The following LRMDA variants were observed in gnomAD, a reference collection of about 807,000 sequenced individuals.
LRMDA encodes the protein leucine rich melanocyte differentiation associated.
LRMDA carries 18 observed loss-of-function variants against 29.8 expected under a neutral mutation model. The observed-to-expected ratio is 0.60, with a 90% CI of 0.42 to 0.90. LRMDA has a LOEUF of 0.90. Ranked by LOEUF, LRMDA falls within the 40% of genes least tolerant of loss-of-function variation. The pLI is 0.00. For synonymous variants in LRMDA, 125 were observed against 109.4 expected, an observed-to-expected ratio of 1.14 and a Z score of -0.89; for missense variants, 273 against 273.9, an observed-to-expected ratio of 1.00 and a Z score of 0.02.
chr10:75,996,934 G>T (rs980629389), intron 2 of LRMDA, among the ~76,000 whole-genome samples: 2 of 151,858 alleles, frequency 1.3e-5, no homozygotes, highest in Non-Finnish European at 2.9e-5. Flanking sequence ...GGGTTTCACC[G>T]TGTTAGCCAG....
intron 2 of LRMDA, among the ~76,000 whole-genome samples, chr10:75,875,739 T>C (rs550093251): frequency 2.0e-4 from 30 of 152,364 alleles, no homozygotes; most frequent in Admixed American, 1.4e-3. Context: ...GCCAGCCATT[T>C]CTTTTTAAAG....
rs148348218 is a variant in LRMDA at position 75,810,856 on chromosome 10, C to T, written c.132-225152C>T. Among the ~76,000 whole-genome samples, 20 of 152,300 alleles carry T rather than the reference C, an allele frequency of 1.3e-4. No individual in the cohort carries two copies. In the East Asian group the frequency reaches 1.7e-3, roughly 13 times the overall value. On this transcript the variant is annotated intron_variant, in intron 2 of 6. Coordinates refer to ENST00000611255, the MANE Select transcript of LRMDA (RefSeq NM_001305581.2). ...TGTTGGAGCAGATGCTGTATAGACA[C>T]CTTATCAGGGTTACCCTGTTTAAAA...
chr10:75,965,619 G>A (rs181658430), intron 2 of LRMDA, among the ~76,000 whole-genome samples: 36 of 152,266 alleles, frequency 2.4e-4, no homozygotes, highest in African/African-American at 8.2e-4. Flanking sequence ...AACTCTACTT[G>A]TTGGGCTCTG....
At chr10:76,353,822 T>C (rs543074111) in intron 6 of LRMDA, among the ~76,000 whole-genome samples, 17 of 152,132 alleles carry the variant, frequency 1.1e-4, no homozygotes, top group Non-Finnish European at 2.2e-4. Flanking sequence ...TTTTTCCAAA[T>C]TCTGTTCCAT....
intron 2 of LRMDA, among the ~76,000 whole-genome samples, chr10:75,992,931 G>A (rs1299531528): frequency 1.3e-5 from 2 of 151,096 alleles, no homozygotes. Context: ...TCAGGTTACA[G>A]GGTATAATCT....
intron 6 of LRMDA, among the ~76,000 whole-genome samples, chr10:76,425,957 T>C (rs957485967): frequency 6.6e-6 from 1 of 152,214 alleles, no homozygotes; most frequent in Non-Finnish European, 1.5e-5. Flanking sequence ...CTGCATAGTA[T>C]TCCATGGTGT....
chr10:76,077,112 A>G (rs1848972924), intron 5 of LRMDA, among the ~76,000 whole-genome samples: 1 of 152,166 alleles, frequency 6.6e-6, no homozygotes, highest in Non-Finnish European at 1.5e-5. Context: ...CCCCAGGGCC[A>G]GGAGTTCCCA....
At chr10:76,247,952 G>C (rs967556830) in intron 5 of LRMDA, among the ~76,000 whole-genome samples, 1 of 152,238 alleles carries the variant, frequency 6.6e-6, no homozygotes, top group African/African-American at 2.4e-5. Context: ...AGTCCAAGTG[G>C]AAGGGTATTG....
intron 1 of LRMDA, among the ~76,000 whole-genome samples, chr10:75,436,792 A>T (rs1290870866): frequency 6.6e-6 from 1 of 152,116 alleles, no homozygotes; most frequent in Non-Finnish European, 1.5e-5. Flanking sequence ...CTGAGCAGAG[A>T]TCCTGAGGGA....
intron 5 of LRMDA, among the ~76,000 whole-genome samples, chr10:76,063,508 G>A (rs1848736203): frequency 6.6e-6 from 1 of 152,056 alleles, no homozygotes. Context: ...GTTTGTTGTA[G>A]CTTGTATATT....
chr10:76,150,223 G>A (rs1850412858), intron 5 of LRMDA, among the ~76,000 whole-genome samples: 1 of 152,228 alleles, frequency 6.6e-6, no homozygotes, highest in African/African-American at 2.4e-5. Flanking sequence ...ATGAGTCAGT[G>A]CTAAAGCCTA....
At chr10:76,529,871 A>G (rs963754659) in intron 6 of LRMDA, among the ~76,000 whole-genome samples, 2 of 152,144 alleles carry the variant, frequency 1.3e-5, no homozygotes, top group Non-Finnish European at 2.9e-5. Context: ...GTACAGTAGT[A>G]TGAGAATCCT....
At chr10:76,261,221 C>G (rs534438709) in intron 5 of LRMDA, among the ~76,000 whole-genome samples, 1 of 151,710 alleles carries the variant, frequency 6.6e-6, no homozygotes, top group Non-Finnish European at 1.5e-5. Context: ...CCTGCCACCA[C>G]GCCCGGATAA....
intron 2 of LRMDA, among the ~76,000 whole-genome samples, chr10:75,927,585 C>T (rs538445695): frequency 1.3e-5 from 2 of 152,060 alleles, no homozygotes; most frequent in Non-Finnish European, 2.9e-5. Context: ...TTTAGGTGTT[C>T]GAGGAAGGAC....
At chr10:76,050,072 G>T (rs905632966) in intron 4 of LRMDA, among the ~76,000 whole-genome samples, 9 of 152,174 alleles carry the variant, frequency 5.9e-5, no homozygotes, top group Non-Finnish European at 1.0e-4. Context: ...ATCCTCTGTG[G>T]TTATGTGATG....
intron 2 of LRMDA, among the ~76,000 whole-genome samples, chr10:75,449,641 G>GACTT (rs2132030213): frequency 6.6e-6 from 1 of 151,914 alleles, no homozygotes; most frequent in African/African-American, 2.4e-5. Context: ...TACGTATATA[G>GACTT]CATTTCCTGC....
At chr10:76,363,116 GGAAA>G (rs1192417224) in intron 6 of LRMDA, among the ~76,000 whole-genome samples, 1,061 of 51,492 alleles carry the variant, frequency 0.021, 42 homozygotes, top group East Asian at 0.048. Context: ...TGTGGAGTAA[GGAAA>G]GAAAGAAAGA....
intron 2 of LRMDA, among the ~76,000 whole-genome samples, chr10:75,747,280 A>G (rs1428060057): frequency 6.6e-6 from 1 of 152,206 alleles, no homozygotes; most frequent in African/African-American, 2.4e-5. Context: ...TGACAGTTCA[A>G]TAAAAAAAGT....
At chr10:75,492,290 C>T (rs866837571) in intron 2 of LRMDA, among the ~76,000 whole-genome samples, 3 of 152,194 alleles carry the variant, frequency 2.0e-5, no homozygotes, top group Non-Finnish European at 4.4e-5. Flanking sequence ...AATGAGCCTG[C>T]AACAGAAAGA....
Sources: allele counts gnomAD v4.1 joint callset (sites outside exome capture counted in the v4.1 genomes callset), GRCh38; gene constraint gnomAD v4.1.1; transcripts MANE v1.5; gene names NCBI Gene and HGNC (gene_info 2026-07-23, HGNC 2026-07-21).